CTNNA3: variants seen among roughly 807,000 people sequenced by gnomAD.
CTNNA3 encodes catenin alpha 3.
Under a neutral mutation model 95.7 loss-of-function variants are expected in CTNNA3, and 76 were observed. The ratio of observed to expected loss-of-function variants is 0.79; its 90% CI spans 0.66 to 0.96. CTNNA3 has a LOEUF of 0.96. Among genes scored for constraint, CTNNA3 ranks in the 40% least tolerant of loss-of-function variants. CTNNA3 has a pLI of 0.00. For synonymous variants in CTNNA3, 431 were observed against 374.4 expected, an observed-to-expected ratio of 1.15 and a Z score of -1.74; for missense variants, 1,191 against 1,089.8, an observed-to-expected ratio of 1.09 and a Z score of -1.31.
intron 13 of CTNNA3, among the ~76,000 whole-genome samples, chr10:66,210,536 G>T (rs2088077562): frequency 6.6e-6 from 1 of 151,960 alleles, no homozygotes; most frequent in Non-Finnish European, 1.5e-5. Flanking sequence ...CATAATTCCA[G>T]GGTAAATCTA....
At chr10:67,048,857 A>G (rs1470791324) in intron 7 of CTNNA3, among the ~76,000 whole-genome samples, 1 of 152,138 alleles carries the variant, frequency 6.6e-6, no homozygotes, top group African/African-American at 2.4e-5. Context: ...CACATGTTCT[A>G]AAGCTGTTCT....
chr10:66,769,815 T>C (rs1302236237), intron 8 of CTNNA3, among the ~76,000 whole-genome samples: 1 of 152,196 alleles, frequency 6.6e-6, no homozygotes, highest in South Asian at 2.1e-4. Flanking sequence ...CAAGCTCTCA[T>C]TGCCTACAGC....
chr10:66,586,769 A>T (rs1843373004), intron 10 of CTNNA3, among the ~76,000 whole-genome samples: 2 of 152,100 alleles, frequency 1.3e-5, no homozygotes, highest in Admixed American at 1.3e-4. Context: ...TTCCCCACTG[A>T]GCCCAGCACT....
intron 8 of CTNNA3, among the ~76,000 whole-genome samples, chr10:66,768,096 T>C (rs2132793346): frequency 6.6e-6 from 1 of 152,346 alleles, no homozygotes; most frequent in South Asian, 2.1e-4. Context: ...AGCTGGGAAC[T>C]ACAGGTTGTG....
At chr10:66,715,315 C>CA in intron 9 of CTNNA3, among the ~76,000 whole-genome samples, 1 of 152,154 alleles carries the variant, frequency 6.6e-6, no homozygotes, top group East Asian at 1.9e-4. Context: ...CACATCCTCC[C>CA]ACCCCTAGTT....
At chr10:66,010,300 A>G (rs563233257) in intron 15 of CTNNA3, among the ~76,000 whole-genome samples, 2 of 152,178 alleles carry the variant, frequency 1.3e-5, no homozygotes, top group African/African-American at 4.8e-5. Context: ...GATGCTGGAT[A>G]TTAGAGAAGG....
chr10:67,333,190 T>C (rs1832700886), intron 5 of CTNNA3, among the ~76,000 whole-genome samples: 1 of 152,170 alleles, frequency 6.6e-6, no homozygotes, highest in Non-Finnish European at 1.5e-5. Context: ...CAATCAGTTA[T>C]GTATATTAGT....
chr10:66,222,441 C>A (rs2088983038), intron 13 of CTNNA3, among the ~76,000 whole-genome samples: 1 of 151,652 alleles, frequency 6.6e-6, no homozygotes, highest in South Asian at 2.1e-4. Context: ...CAAAATTATT[C>A]TGTTATTTTC....
At chr10:65,953,448 C>A (rs1331957166) in intron 17 of CTNNA3, among the ~76,000 whole-genome samples, 2 of 150,562 alleles carry the variant, frequency 1.3e-5, no homozygotes, top group Admixed American at 6.6e-5. Context: ...AGGTTTGTTA[C>A]ATATGTATAC....
At chr10:67,686,363 G>T (rs769030772) in intron 1 of CTNNA3, among the ~76,000 whole-genome samples, 2 of 152,198 alleles carry the variant, frequency 1.3e-5, no homozygotes, top group Non-Finnish European at 1.5e-5. Flanking sequence ...TTAAGGTCAG[G>T]ATTAGCTAAG....
intron 5 of CTNNA3, among the ~76,000 whole-genome samples, chr10:67,321,241 G>A (rs1174538006): frequency 6.6e-6 from 1 of 152,100 alleles, no homozygotes; most frequent in East Asian, 1.9e-4. Context: ...GTGCAATCAA[G>A]AATTAATTTT....
intron 6 of CTNNA3, among the ~76,000 whole-genome samples, chr10:67,184,509 T>C (rs1589835341): frequency 1.3e-5 from 2 of 152,226 alleles, no homozygotes; most frequent in Admixed American, 6.5e-5. Context: ...TTTAATATTT[T>C]AGTCAGAACT....
chr10:66,657,484 C>T (rs1564599601), intron 9 of CTNNA3, among the ~76,000 whole-genome samples: 1 of 152,070 alleles, frequency 6.6e-6, no homozygotes, highest in South Asian at 2.1e-4. Flanking sequence ...CTAATATGTA[C>T]GGTAAAGCTT....
At chr10:66,130,457 A>G (rs2083034899) in intron 13 of CTNNA3, among the ~76,000 whole-genome samples, 1 of 152,018 alleles carries the variant, frequency 6.6e-6, no homozygotes, top group African/African-American at 2.4e-5. Context: ...TAATAAGATA[A>G]ACTGCTAGCT....
In CTNNA3 at chr10:66,692,782, G is replaced by A. The variant is rs1450487078; in HGVS notation, c.1282-70998C>T. 2.6e-5 allele frequency among the ~76,000 whole-genome samples: 4 copies of A among 152,164 alleles called. No individual in the cohort carries two copies. In the South Asian group the frequency reaches 8.3e-4, roughly 32 times the overall value. On this transcript the variant is annotated intron_variant, in intron 9 of 17. Coordinates refer to ENST00000433211, the MANE Select transcript of CTNNA3 (RefSeq NM_013266.4). ...AGATCTCTTGGCAGAAACTCTACAAGCCAGAAGAGAGTGGGGGCCAATATT... is the reference window on the plus strand; with the variant it reads ...AGATCTCTTGGCAGAAACTCTACAAACCAGAAGAGAGTGGGGGCCAATATT...
intron 7 of CTNNA3, among the ~76,000 whole-genome samples, chr10:67,123,996 A>C (rs1859591372): frequency 6.6e-6 from 1 of 152,148 alleles, no homozygotes; most frequent in Non-Finnish European, 1.5e-5. Flanking sequence ...TAAAGTGTAA[A>C]CTTCAGACTA....
At chr10:66,285,196 T>C (rs2091564241) in intron 12 of CTNNA3, among the ~76,000 whole-genome samples, 1 of 151,912 alleles carries the variant, frequency 6.6e-6, no homozygotes, top group Non-Finnish European at 1.5e-5. Flanking sequence ...CAAGAATATC[T>C]GGAATATCTT....
intron 7 of CTNNA3, among the ~76,000 whole-genome samples, chr10:66,983,804 G>A (rs531479972): frequency 6.6e-5 from 10 of 152,248 alleles, no homozygotes; most frequent in Non-Finnish European, 1.3e-4. Flanking sequence ...CTGTTAAAAT[G>A]TACTACCTGT....
chr10:67,187,117 G>T (rs1005822889), intron 6 of CTNNA3, among the ~76,000 whole-genome samples: 6 of 151,814 alleles, frequency 4.0e-5, no homozygotes, highest in African/African-American at 1.5e-4. Flanking sequence ...AAGACTTTAA[G>T]TAACTTACCC....
Sources: gnomAD v4.1 joint callset for allele counts (sites outside exome capture counted in the v4.1 genomes callset) on GRCh38, gnomAD v4.1.1 for gene constraint, MANE v1.5 for transcripts, NCBI Gene and HGNC (gene_info 2026-07-23, HGNC 2026-07-21) for gene names.